NUP160: variants seen among roughly 807,000 people sequenced by gnomAD.
The protein encoded by NUP160 is nuclear pore complex protein Nup160.
NUP160 carries 94 observed loss-of-function variants against 196.9 expected under a neutral mutation model. That is an observed-to-expected ratio of 0.48 (90% CI 0.40 to 0.57). NUP160 has a LOEUF of 0.57. Ranked by LOEUF, NUP160 falls within the 20% of genes least tolerant of loss-of-function variation. The pLI, the probability that NUP160 is intolerant of heterozygous loss-of-function variation, is 0.00. For missense variants in NUP160, 1,638 were observed against 1,748.3 expected (o/e 0.94, Z 1.13); for synonymous variants, 605 against 619.7 (o/e 0.98, Z 0.35).
At chr11:47,791,870 A>G (rs191565526) in intron 29 of NUP160, 60 bp downstream of exon 29, 109 of 1,068,218 alleles carry the variant, frequency 1.0e-4, no homozygotes, top group Admixed American at 9.2e-4. Flanking sequence ...TCATAATACA[A>G]CTAACAATAA....
chr11:47,798,373 T>C, exon 24 of NUP160: 1 of 1,607,588 alleles, frequency 6.2e-7, no homozygotes, highest in Non-Finnish European at 8.5e-7. Context: ...CTTACCTGAC[T>C]TTTCCAGTCA....
chr11:47,792,623 TACA>T (rs1248594301), intron 28 of NUP160, 160 bp downstream of exon 28: 4 of 676,328 alleles, frequency 5.9e-6, no homozygotes, highest in Admixed American at 5.6e-5. Context: ...GGTAGTAATA[TACA>T]ACAATTGAAT....
chr11:47,797,826 T>C (rs747150787), exon 27 of NUP160: 16 of 1,613,030 alleles, frequency 9.9e-6, no homozygotes, highest in East Asian at 2.2e-5. Context: ...CAGAAGTTCA[T>C]AGTAATTGTG....
intron 34 of NUP160, among the ~76,000 whole-genome samples, chr11:47,781,572 G>C (rs1170530446): frequency 6.6e-6 from 1 of 152,140 alleles, no homozygotes; most frequent in Non-Finnish European, 1.5e-5. Flanking sequence ...CTGATTTCAT[G>C]AGGGTTGAAG....
chr11:47,842,701 G>C (rs891920028), intron 2 of NUP160, among the ~76,000 whole-genome samples: 1 of 152,118 alleles, frequency 6.6e-6, no homozygotes, highest in Non-Finnish European at 1.5e-5. Flanking sequence ...AATGATTTCA[G>C]TATCAGGGCC....
intron 1 of NUP160, 80 bp from the exon 2 acceptor site, chr11:47,848,039 TGACA>T: frequency 7.8e-7 from 1 of 1,285,108 alleles, no homozygotes; most frequent in Non-Finnish European, 1.1e-6. Flanking sequence ...AAGCAGAGAG[TGACA>T]GACTGACAAC....
intron 33 of NUP160, among the ~76,000 whole-genome samples, chr11:47,784,338 G>A (rs1439881910): frequency 6.6e-6 from 1 of 152,186 alleles, no homozygotes; most frequent in African/African-American, 2.4e-5. Flanking sequence ...CAGTGGGAGT[G>A]GAGAAGGAAC....
intron 27 of NUP160, among the ~76,000 whole-genome samples, chr11:47,793,170 TAG>T (rs759265563): frequency 6.6e-6 from 1 of 151,908 alleles, no homozygotes; most frequent in East Asian, 1.9e-4. Context: ...GTATTTTTGG[TAG>T]AGAGTTTAGT....
chr11:47,778,223 C>G (rs9909), exon 36 of NUP160: 42,147 of 152,084 alleles, frequency 0.28, 6,846 homozygotes, highest in Middle Eastern at 0.38. Flanking sequence ...AAGTAGTATA[C>G]AGATTGTTTC....
intron 4 of NUP160, among the ~76,000 whole-genome samples, chr11:47,839,157 T>A (rs1242740902): frequency 2.0e-5 from 3 of 152,088 alleles, no homozygotes; most frequent in Admixed American, 1.3e-4. Flanking sequence ...AATGGCACGA[T>A]CTTGGCTTAT....
At chr11:47,823,002 C>T (rs1311608084) in intron 7 of NUP160, among the ~76,000 whole-genome samples, 2 of 152,140 alleles carry the variant, frequency 1.3e-5, no homozygotes, top group Non-Finnish European at 2.9e-5. Flanking sequence ...CAAGTCTTTG[C>T]GATTGTGAAT....
At chr11:47,834,203 A>G (rs914961132) in intron 7 of NUP160, among the ~76,000 whole-genome samples, 1 of 152,216 alleles carries the variant, frequency 6.6e-6, no homozygotes, top group Non-Finnish European at 1.5e-5. Context: ...GTAAGAGTAT[A>G]ATAGGGTCCC....
chr11:47,820,384 A>C (rs1851829802), intron 9 of NUP160: 1 of 152,154 alleles, frequency 6.6e-6, no homozygotes, highest in Non-Finnish European at 1.5e-5. Flanking sequence ...AAATATATCT[A>C]ACATTAGGTA....
At chr11:47,792,812 T>G in exon 28 of NUP160, 1 of 1,613,832 alleles carries the variant, frequency 6.2e-7, no homozygotes, top group Non-Finnish European at 8.5e-7. Context: ...GGCTGCACAA[T>G]CCACGCATAT....
chr11:47,818,697 T>G lies in NUP160; in HGVS notation c.1363-573A>C, dbSNP rs572387596. Among the ~76,000 whole-genome samples, 6 of 152,218 alleles carry G rather than the reference T, an allele frequency of 3.9e-5. No individual in the cohort carries two copies. The East Asian group carries it at 1.2e-3, about 29-fold the overall frequency. On this transcript the variant is annotated intron_variant, in intron 10 of 35. Coordinates refer to ENST00000378460, the Ensembl canonical transcript of NUP160. ...CCCAAGTAGTAAATCTGACTAACAG[T>G]CATTCAAGTTTCCTTCCTTCTACTG...
chr11:47,797,871 A>G, exon 27 of NUP160: 1 of 1,612,092 alleles, frequency 6.2e-7, no homozygotes, highest in Non-Finnish European at 8.5e-7. Context: ...ACGTGACTCA[A>G]TTATTCCCAC....
Position 47,786,682 on chromosome 11 carries a change from T to C in NUP160, c.3747-128A>G. ...TTTTGCTGAATTCACTACTGGAATATTGGCTCATCTCTTCCTCAAGTTACA... is the reference window on the plus strand; with the variant it reads ...TTTTGCTGAATTCACTACTGGAATACTGGCTCATCTCTTCCTCAAGTTACA... On this transcript the variant is annotated intron_variant, in intron 31 of 35. Transcript: ENST00000378460. 4 of 631,004 alleles carry C rather than the reference T, an allele frequency of 6.3e-6. No individual in the cohort carries two copies. In the Admixed American group the frequency reaches 7.1e-5, roughly 11 times the overall value. 39.1% of individuals were successfully genotyped at this position (631,004 alleles called of 1,614,324 possible).
intron 7 of NUP160, among the ~76,000 whole-genome samples, chr11:47,824,556 G>A (rs1212305984): frequency 6.6e-6 from 1 of 151,786 alleles, no homozygotes; most frequent in Admixed American, 6.6e-5. Flanking sequence ...CTTGCAGTGA[G>A]TCAAGATCGC....
chr11:47,786,429 C>T (rs2097664558), intron 32 of NUP160, 24 bp downstream of exon 32: 10 of 1,490,514 alleles, frequency 6.7e-6, no homozygotes, highest in Non-Finnish European at 9.3e-6. Context: ...CAAAACTACC[C>T]AGGGTTGAAC....
Sources: allele counts gnomAD v4.1 joint callset (sites outside exome capture counted in the v4.1 genomes callset), GRCh38; gene constraint gnomAD v4.1.1; transcripts MANE v1.5; gene names NCBI Gene and HGNC (gene_info 2026-07-23, HGNC 2026-07-21).